The following ROBO1 variants were observed in gnomAD, a reference collection of about 807,000 sequenced individuals.
The protein encoded by ROBO1 is roundabout guidance receptor 1, also known as roundabout homolog 1.
ROBO1 carries 149 observed loss-of-function variants against 195.9 expected under a neutral mutation model. That is an observed-to-expected ratio of 0.76 (90% confidence interval 0.67 to 0.87). ROBO1 has a LOEUF of 0.87. Among genes scored for constraint, ROBO1 ranks in the 40% least tolerant of loss-of-function variants. The pLI, the probability that ROBO1 is intolerant of heterozygous loss-of-function variation, is 0.00. For missense variants in ROBO1, 1,933 were observed against 2,068.3 expected, an observed-to-expected ratio of 0.93 and a Z score of 1.27; for synonymous variants, 816 against 733.2, an observed-to-expected ratio of 1.11 and a Z score of -1.82.
At chr3:79,191,720 C>A (rs946957425) in intron 2 of ROBO1, among the ~76,000 whole-genome samples, 2 of 151,298 alleles carry the variant, frequency 1.3e-5, no homozygotes, top group East Asian at 3.9e-4. Context: ...TTAATGGGAG[C>A]AGTTATAACA....
At chr3:78,616,037 G>A (rs1704091669) in intron 27 of ROBO1, among the ~76,000 whole-genome samples, 1 of 152,096 alleles carries the variant, frequency 6.6e-6, no homozygotes, top group South Asian at 2.1e-4. Context: ...TACAATTAAA[G>A]TTACATATCC....
chr3:79,767,380 A>T (rs2107544641), intron 1 of ROBO1, among the ~76,000 whole-genome samples: 1 of 152,226 alleles, frequency 6.6e-6, no homozygotes, highest in African/African-American at 2.4e-5. Context: ...GCGGCACGAA[A>T]CCTACTCCAA....
intron 21 of ROBO1, among the ~76,000 whole-genome samples, chr3:78,640,408 G>T (rs954727254): frequency 3.9e-5 from 6 of 152,214 alleles, no homozygotes; most frequent in Admixed American, 3.9e-4. Flanking sequence ...TACTTAATGA[G>T]TTTGGGGCTC....
chr3:78,689,965 A>G (rs2081135268), intron 8 of ROBO1, among the ~76,000 whole-genome samples: 1 of 149,738 alleles, frequency 6.7e-6, no homozygotes. Flanking sequence ...TTTCTTGGTC[A>G]GTTGTATCTA....
intron 4 of ROBO1, among the ~76,000 whole-genome samples, chr3:78,881,624 T>C (rs2036186100): frequency 6.6e-6 from 1 of 152,198 alleles, no homozygotes; most frequent in African/African-American, 2.4e-5. Context: ...CTATTTTTCA[T>C]ATTCTTCTCT....
chr3:78,720,114 T>C (rs1457725193), intron 5 of ROBO1, among the ~76,000 whole-genome samples: 1 of 152,164 alleles, frequency 6.6e-6, no homozygotes, highest in Admixed American at 6.5e-5. Flanking sequence ...TGTAAAAATA[T>C]GTTTTAATTA....
intron 2 of ROBO1, among the ~76,000 whole-genome samples, chr3:79,325,907 A>G (rs1019641861): frequency 6.6e-6 from 1 of 152,124 alleles, no homozygotes; most frequent in Non-Finnish European, 1.5e-5. Flanking sequence ...TGAAAAGCAA[A>G]TGGGAGAAAT....
At chr3:78,825,346 T>C (rs1475020935) in intron 4 of ROBO1, among the ~76,000 whole-genome samples, 1 of 152,130 alleles carries the variant, frequency 6.6e-6, no homozygotes, top group African/African-American at 2.4e-5. Flanking sequence ...GGATTTCACC[T>C]AGGAGAACCC....
intron 26 of ROBO1, among the ~76,000 whole-genome samples, chr3:78,624,539 C>T (rs1293799393): frequency 6.6e-6 from 1 of 152,074 alleles, no homozygotes; most frequent in African/African-American, 2.4e-5. Context: ...ATATCTGCCT[C>T]AAGTTCTACA....
intron 3 of ROBO1, among the ~76,000 whole-genome samples, chr3:79,007,657 A>C (rs923164448): frequency 6.6e-6 from 1 of 152,324 alleles, no homozygotes; most frequent in South Asian, 2.1e-4. Context: ...TAAACTGACA[A>C]ATAAAAATTG....
intron 1 of ROBO1, among the ~76,000 whole-genome samples, chr3:79,657,938 C>G (rs1347833808): frequency 6.6e-6 from 1 of 151,952 alleles, no homozygotes; most frequent in African/African-American, 2.4e-5. Context: ...TAAAAAGCAT[C>G]TATCAATGGT....
intron 2 of ROBO1, among the ~76,000 whole-genome samples, chr3:79,174,586 A>G (rs1421129702): frequency 1.3e-5 from 2 of 152,156 alleles, no homozygotes; most frequent in East Asian, 3.8e-4. Flanking sequence ...GTCAACTATA[A>G]TAGTATAGAC....
At chr3:79,019,142 C>G in intron 3 of ROBO1, 6 of 986,398 alleles carry the variant, frequency 6.1e-6, no homozygotes, top group Non-Finnish European at 7.2e-6. Flanking sequence ...GCAGCAGGAC[C>G]GCGGACACTC....
intron 2 of ROBO1, among the ~76,000 whole-genome samples, chr3:79,285,980 T>G (rs1012566240): frequency 5.9e-5 from 9 of 152,178 alleles, no homozygotes; most frequent in African/African-American, 2.2e-4. Context: ...CCAATTTTAT[T>G]TGCATTATTT....
chr3:79,718,593 C>T (rs1322105540), intron 1 of ROBO1, among the ~76,000 whole-genome samples: 1 of 151,796 alleles, frequency 6.6e-6, no homozygotes, highest in African/African-American at 2.4e-5. Context: ...AATTATTTGT[C>T]TCCCCCATAC....
chr3:78,657,372 T>C, intron 17 of ROBO1, 103 bp from the exon 18 acceptor site: 1 of 1,095,460 alleles, frequency 9.1e-7, no homozygotes, highest in East Asian at 2.6e-5. Context: ...TACTAAACTG[T>C]CATGCACTAC....
intron 4 of ROBO1, among the ~76,000 whole-genome samples, chr3:78,922,858 A>G (rs1348206303): frequency 3.3e-5 from 5 of 151,970 alleles, no homozygotes; most frequent in African/African-American, 1.2e-4. Flanking sequence ...TCTGCCTCCC[A>G]AAGTGCTGGC....
chr3:78,658,071 AAG>A (rs1707150379), intron 17 of ROBO1, among the ~76,000 whole-genome samples: 1 of 152,222 alleles, frequency 6.6e-6, no homozygotes, highest in African/African-American at 2.4e-5. Flanking sequence ...TCTAATAACA[AAG>A]AGTTACCTGA....
chr3:78,781,306 CAT>C (rs1375231471), intron 4 of ROBO1, among the ~76,000 whole-genome samples: 1 of 152,192 alleles, frequency 6.6e-6, no homozygotes, highest in Non-Finnish European at 1.5e-5. Context: ...TCCAATTTCA[CAT>C]GTTAAATTAG....
Sources: allele counts gnomAD v4.1 joint callset (sites outside exome capture counted in the v4.1 genomes callset), GRCh38; gene constraint gnomAD v4.1.1; transcripts MANE v1.5; gene names NCBI Gene and HGNC (gene_info 2026-07-23, HGNC 2026-07-21).